NEBL: variants seen among roughly 807,000 people sequenced by gnomAD.
The protein encoded by NEBL is LIM and SH3 protein 2.
Under a neutral mutation model 140.2 loss-of-function variants are expected in NEBL, and 122 were observed. That is an observed-to-expected ratio of 0.87 (90% CI 0.75 to 1.01). The LOEUF (loss-of-function observed/expected upper bound fraction) is 1.01, where lower values mean the gene tolerates loss of function less well. Among genes scored for constraint, NEBL ranks in the 50% least tolerant of loss-of-function variants. The probability of loss-of-function intolerance (pLI) is 0.00; values close to 1 mark genes in which losing one functional copy is unlikely to be tolerated. For synonymous variants in NEBL, 436 were observed against 398.9 expected (o/e 1.09, Z -1.11); for missense variants, 1,365 against 1,231.3 (o/e 1.11, Z -1.62).
chr10:21,218,030 G>A (rs1271939681), intron 3 of NEBL: 1 of 152,288 alleles, frequency 6.6e-6, no homozygotes, highest in African/African-American at 2.4e-5. Context: ...TGGTCGGTGA[G>A]CTAGTGTACG....
intron 3 of NEBL, among the ~76,000 whole-genome samples, chr10:21,194,258 C>T (rs1300000769): frequency 6.6e-6 from 1 of 152,096 alleles, no homozygotes; most frequent in Non-Finnish European, 1.5e-5. Flanking sequence ...AAGTGTGAGC[C>T]ACTGCCCCCA....
chr10:21,039,443 G>T (rs1834164735), intron 2 of NEBL, among the ~76,000 whole-genome samples: 1 of 152,118 alleles, frequency 6.6e-6, no homozygotes, highest in African/African-American at 2.4e-5. Context: ...TCTGCATATG[G>T]CTAGCCAGTT....
At chr10:21,028,275 G>GAAGAAGAAGAAGAAGAAGAAGAAGAAT (rs1564485493) in intron 2 of NEBL, among the ~76,000 whole-genome samples, 1 of 140,430 alleles carries the variant, frequency 7.1e-6, no homozygotes, top group Non-Finnish European at 1.6e-5. Flanking sequence ...AGAAGAAGAA[G>GAAGAAGAAGAAGAAGAAGAAGAAGAAT]AATGAGAAAT....
intron 3 of NEBL, among the ~76,000 whole-genome samples, chr10:21,184,695 C>T (rs1465324179): frequency 6.6e-6 from 1 of 152,046 alleles, no homozygotes; most frequent in Non-Finnish European, 1.5e-5. Flanking sequence ...AACAGAGTGC[C>T]TCTTAAAAAT....
intron 2 of NEBL, among the ~76,000 whole-genome samples, chr10:21,048,643 G>A (rs749101083): frequency 3.3e-5 from 5 of 152,014 alleles, no homozygotes; most frequent in Non-Finnish European, 4.4e-5. Context: ...TGTGGGGGCT[G>A]GCAAGTCCAA....
chr10:21,114,976 T>C (rs917438365), intron 2 of NEBL, among the ~76,000 whole-genome samples: 3 of 152,048 alleles, frequency 2.0e-5, no homozygotes, highest in Admixed American at 1.3e-4. Flanking sequence ...TCTTTGTTCC[T>C]TTTTGCTCAT....
intron 2 of NEBL, among the ~76,000 whole-genome samples, chr10:21,117,644 G>T (rs1338148391): frequency 6.6e-6 from 1 of 152,122 alleles, no homozygotes; most frequent in Non-Finnish European, 1.5e-5. Flanking sequence ...CCTATATATT[G>T]CCTAGTTATT....
chr10:21,167,590 G>T (rs1840835646), intron 2 of NEBL, among the ~76,000 whole-genome samples: 1 of 152,106 alleles, frequency 6.6e-6, no homozygotes, highest in African/African-American at 2.4e-5. Context: ...TACCTCTCAA[G>T]AAATTTTAAG....
At chr10:21,117,902 C>T (rs1838357927) in intron 2 of NEBL, among the ~76,000 whole-genome samples, 1 of 152,058 alleles carries the variant, frequency 6.6e-6, no homozygotes. Context: ...CCTGAGTCCA[C>T]CTGATCTATA....
chr10:21,116,271 C>T (rs867321163), intron 2 of NEBL, among the ~76,000 whole-genome samples: 1 of 152,136 alleles, frequency 6.6e-6, no homozygotes. Flanking sequence ...CAAACTCAAG[C>T]TGCCAACCAA....
At chr10:20,824,458 C>T (rs541311995) in intron 18 of NEBL, among the ~76,000 whole-genome samples, 1 of 152,250 alleles carries the variant, frequency 6.6e-6, no homozygotes, top group South Asian at 2.1e-4. Context: ...CTGAGACAGG[C>T]TACCTCTAAA....
chr10:21,026,307 GA>G (rs1839028502), intron 2 of NEBL, among the ~76,000 whole-genome samples: 1 of 142,814 alleles, frequency 7.0e-6, no homozygotes, highest in South Asian at 2.4e-4. Flanking sequence ...GGCCAGAAAT[GA>G]GGCTATCCTA....
intron 3 of NEBL, among the ~76,000 whole-genome samples, chr10:20,975,388 G>A (rs150599785): frequency 6.6e-6 from 1 of 152,028 alleles, no homozygotes; most frequent in Non-Finnish European, 1.5e-5. Context: ...TAGTTCATGA[G>A]AGTACAGCTA....
At chr10:20,878,121 G>A (rs1305516317) in intron 5 of NEBL, among the ~76,000 whole-genome samples, 1 of 152,096 alleles carries the variant, frequency 6.6e-6, no homozygotes, top group East Asian at 1.9e-4. Flanking sequence ...ACTGCCTCCA[G>A]AAAACTCTTG....
rs1488347106 is a variant in NEBL, at chr10:20,808,647, T to A, written c.2624A>T (p.His875Leu). 1.2e-6 allele frequency: 2 copies of A among 1,612,976 alleles called. No individual in the cohort carries two copies. Among genetic ancestry groups the A allele is most frequent in the Non-Finnish European group, 1.7e-6 (2 of 1,179,172 alleles). ...SLHMLSEKAS[H>L]YRRHWSRSHS... ...GGATCGAGACCAGTGTCGCCTATAG[T>A]GACTCGCCTTTTCTATATTGGAGGG... is the stretch of plus-strand genomic sequence containing the variant. Residue 875 changes from histidine to leucine, a missense_variant, in exon 26 of 28, where the codon CAC becomes CTC. By Grantham distance (99) the His-to-Leu change is moderately conservative (BLOSUM62 -3). This residue lies in a region of NEBL where 1,323 missense variants were observed against 1,154.8 expected (regional missense o/e 1.15). Coordinates refer to ENST00000377122, the MANE Select transcript of NEBL (RefSeq NM_006393.3).
At chr10:20,919,345 T>C (rs1833466279) in intron 4 of NEBL, among the ~76,000 whole-genome samples, 1 of 152,218 alleles carries the variant, frequency 6.6e-6, no homozygotes, top group African/African-American at 2.4e-5. Flanking sequence ...TTCCCTTCTA[T>C]GCACATTGGA....
chr10:21,032,632 GCAGAC>G lies in NEBL; in HGVS notation c.165-12436_165-12432del, dbSNP rs1306865984. Among the ~76,000 whole-genome samples the G allele has an allele frequency of 3.5e-3, 327 of 94,460 alleles. 1 individual carries two copies. Among genetic ancestry groups the G allele is most frequent in the Non-Finnish European group, 5.2e-3 (220 of 42,648 alleles). 62.0% of individuals were successfully genotyped at this position (94,460 alleles called of 152,430 possible). ...GTAAATGGGGAATGCCCTTCAGAAAGCAGACTTATGAGAGCTGCTGATAGATAACA... is the reference window on the plus strand; with the variant it reads ...GTAAATGGGGAATGCCCTTCAGAAAGTTATGAGAGCTGCTGATAGATAACA... On this transcript the variant is annotated intron_variant, in intron 2 of 6. Coordinates refer to the NEBL transcript ENST00000417816.
At chr10:20,906,282 T>G (rs1054476716) in intron 4 of NEBL, among the ~76,000 whole-genome samples, 4 of 152,156 alleles carry the variant, frequency 2.6e-5, no homozygotes, top group Non-Finnish European at 5.9e-5. Context: ...TCTCAAACCT[T>G]AAGCATCAAG....
intron 1 of NEBL, among the ~76,000 whole-genome samples, chr10:21,285,479 T>A (rs1843043418): frequency 6.6e-6 from 1 of 152,188 alleles, no homozygotes; most frequent in African/African-American, 2.4e-5. Flanking sequence ...GTCCCACCTT[T>A]CCAGACCGAA....
Sources: allele counts gnomAD v4.1 joint callset (sites outside exome capture counted in the v4.1 genomes callset), GRCh38; gene constraint gnomAD v4.1.1; regional missense constraint gnomAD v4.1.1; transcripts MANE v1.5; gene names NCBI Gene and HGNC (gene_info 2026-07-23, HGNC 2026-07-21).